The following COL24A1 variants were observed in gnomAD, a reference collection of about 807,000 sequenced individuals.
COL24A1 encodes collagen type XXIV alpha 1 chain, also known as collagen alpha-1(XXIV) chain.
In COL24A1, 224 loss-of-function variants were observed where a neutral mutation model predicts 253.9. The ratio of observed to expected loss-of-function variants is 0.88; its 90% CI spans 0.79 to 0.99. The LOEUF (loss-of-function observed/expected upper bound fraction) is 0.99, where lower values mean the gene tolerates loss of function less well. Ranked by LOEUF, COL24A1 falls within the 50% of genes least tolerant of loss-of-function variation. COL24A1 has a pLI of 0.00. For missense variants in COL24A1, 2,131 were observed against 2,068.5 expected (o/e 1.03, Z -0.59); for synonymous variants, 685 against 673.7 (o/e 1.02, Z -0.26).
rs922563874 is a variant in COL24A1 at position 85,964,929 on chromosome 1, T to C, written c.2517+80A>G. On this transcript the variant is annotated intron_variant, in intron 23 of 59. Transcript: ENST00000370571. ...GGTTCTTTTTAAGTTGATGTGTTCA[T>C]TTCACATTTGTATGAAAGTCATAAT... The C allele has an allele frequency of 3.1e-6, 4 of 1,283,418 alleles. No individual in the cohort carries two copies. In the African/African-American group the frequency reaches 4.5e-5, roughly 14 times the overall value. The allele number at this position is 1,283,418 out of a possible 1,614,324, so 79.5% of individuals were successfully genotyped here. A position where few individuals can be genotyped will look rare whatever the true frequency, so the allele number is the denominator to read the frequency against.
chr1:86,054,490 T>C (rs1472122466), intron 10 of COL24A1, among the ~76,000 whole-genome samples: 3 of 151,994 alleles, frequency 2.0e-5, no homozygotes, highest in Non-Finnish European at 4.4e-5. Context: ...ACAAAGGACA[T>C]GAATAGACAC....
intron 45 of COL24A1, among the ~76,000 whole-genome samples, chr1:85,818,765 G>A (rs1022531796): frequency 2.0e-5 from 3 of 152,122 alleles, no homozygotes; most frequent in Non-Finnish European, 4.4e-5. Context: ...AAGAAAATGT[G>A]GAAAAGGTGA....
At chr1:85,735,006 T>C (rs1557925606) in intron 58 of COL24A1, 42 bp from the exon 59 acceptor site, 1 of 1,584,472 alleles carries the variant, frequency 6.3e-7, no homozygotes. Context: ...ACATGGCAAT[T>C]GAGAAACTTA....
chr1:85,853,895 C>A (rs938702843), intron 37 of COL24A1, among the ~76,000 whole-genome samples: 1 of 152,034 alleles, frequency 6.6e-6, no homozygotes, highest in East Asian at 1.9e-4. Context: ...TTTGCAAAAA[C>A]TATCTCCTGT....
chr1:85,830,468 C>T (rs1466669903), intron 43 of COL24A1, among the ~76,000 whole-genome samples: 1 of 152,170 alleles, frequency 6.6e-6, no homozygotes, highest in Non-Finnish European at 1.5e-5. Context: ...AGCTTCCCGG[C>T]TGCTTTGTTT....
At chr1:85,950,571 T>G (rs965693834) in intron 24 of COL24A1, among the ~76,000 whole-genome samples, 1 of 152,128 alleles carries the variant, frequency 6.6e-6, no homozygotes, top group Admixed American at 6.5e-5. Flanking sequence ...AACAATGGCA[T>G]AAATAAGTTT....
rs1396345804 is a variant in COL24A1 at position 86,125,105 on chromosome 1, C to A, written c.1231G>T (p.Ala411Ser). 2.5e-6 allele frequency: 4 copies of A among 1,613,082 alleles called. No individual in the cohort carries two copies. In the South Asian group the frequency reaches 3.3e-5, roughly 13 times the overall value. The change falls in exon 3 of 60, where the codon GCT (alanine) becomes TCT (serine). Residue 411 changes from alanine (A) to serine (S), a missense_variant. Transcript: ENST00000370571. ...KQDTITNLKKAITANLHTNEL... is the reference protein window; with the variant it reads ...KQDTITNLKKSITANLHTNEL... ...TTAGTGTGTAGATTTGCTGTGATAG[C>A]CTTCTTGAGATTAGTAATTGTATCT...
chr1:85,866,260 G>C (rs1679786238), intron 37 of COL24A1, among the ~76,000 whole-genome samples: 1 of 152,008 alleles, frequency 6.6e-6, no homozygotes, highest in African/African-American at 2.4e-5. Flanking sequence ...CTGCCTAAAA[G>C]AAAAGATTCT....
At chr1:86,023,145 T>TA (rs1697714879) in intron 14 of COL24A1, 138 bp from the exon 15 acceptor site, 1 of 674,470 alleles carries the variant, frequency 1.5e-6, no homozygotes, top group African/African-American at 1.8e-5. Context: ...TTCAACAACT[T>TA]ATTTTTCTCT....
At chr1:86,039,550 T>C (rs180833100) in intron 12 of COL24A1, among the ~76,000 whole-genome samples, 1 of 152,302 alleles carries the variant, frequency 6.6e-6, no homozygotes, top group Non-Finnish European at 1.5e-5. Flanking sequence ...ACATATTTTG[T>C]TCTTTCTAGA....
intron 47 of COL24A1, among the ~76,000 whole-genome samples, chr1:85,791,331 T>C (rs1670251765): frequency 6.6e-6 from 1 of 152,072 alleles, no homozygotes. Context: ...CAAGTGAGAA[T>C]ATTTTCAAAG....
chr1:85,996,898 G>A (rs1374892748), intron 19 of COL24A1, among the ~76,000 whole-genome samples: 2 of 151,654 alleles, frequency 1.3e-5, no homozygotes, highest in African/African-American at 4.8e-5. Flanking sequence ...ATGAGGAACT[G>A]GCATGTCTCA....
At position 86,080,584 on chromosome 1, in the gene COL24A1, TAATA is replaced by T. The variant is rs367830274; in HGVS notation, c.1707+8586_1707+8589del. Reference sequence around the variant, plus strand: ...TTACTATGTACCTACAAAATTAAAATAATAAATAAATAAATTGCCTCAGCAAGAA... The same window carrying T: ...TTACTATGTACCTACAAAATTAAAATAATAAATAAATTGCCTCAGCAAGAA... On this transcript the variant is annotated intron_variant, in intron 7 of 59. Transcript: ENST00000370571. 3.5e-4 allele frequency among the ~76,000 whole-genome samples: 53 copies of T among 152,070 alleles called. No homozygotes were observed. The South Asian group carries it at 0.01, about 29-fold the overall frequency.
intron 11 of COL24A1, among the ~76,000 whole-genome samples, chr1:86,049,257 T>C (rs944088379): frequency 3.3e-5 from 5 of 152,234 alleles, no homozygotes; most frequent in Admixed American, 1.3e-4. Flanking sequence ...TTAAACTCTT[T>C]GATTATTTCT....
rs1416911806 is a variant in COL24A1 at position 86,005,136 on chromosome 1, G to A, written c.2310+12015C>T. Among the ~76,000 whole-genome samples, 4 of 152,256 alleles carry A rather than the reference G, an allele frequency of 2.6e-5. 1 individual carries two copies. The highest frequency in any genetic ancestry group is 6.5e-5 in the Admixed American group (1 of 15,294). On this transcript the variant is annotated intron_variant, in intron 19 of 59. Transcript: ENST00000370571. ...ACCAGTTGTGGCTCTGAGAACAACTGGATTGACAGAGGCCACAGTTCATCC... is the reference window on the plus strand; with the variant it reads ...ACCAGTTGTGGCTCTGAGAACAACTAGATTGACAGAGGCCACAGTTCATCC...
rs1691031631 is a variant in COL24A1, at chr1:85,961,268, A to ATATTTCCT, written c.2535_2542dup (p.Ile848LysfsTer21). 2.5e-6 allele frequency: 4 copies of ATATTTCCT among 1,605,614 alleles called. No homozygotes were observed. In the East Asian group the frequency reaches 9.0e-5, roughly 36 times the overall value. The stretch of plus-strand genomic sequence containing the variant: ...GCTTACTGTTTCACCAATTTTTCCA[A>ATATTTCCT]TATTTCCTTGATCTCCTACTTCTCC... On this transcript the variant is annotated frameshift_variant, in exon 24 of 60. Coordinates refer to ENST00000370571, the MANE Select transcript of COL24A1 (RefSeq NM_152890.7). LOFTEE classifies it high-confidence loss of function.
chr1:85,968,554 T>C (rs1175704882), intron 22 of COL24A1, among the ~76,000 whole-genome samples: 2 of 152,180 alleles, frequency 1.3e-5, no homozygotes, highest in Admixed American at 6.6e-5. Flanking sequence ...AACCATCCTA[T>C]TATTATTAAA....
intron 5 of COL24A1, among the ~76,000 whole-genome samples, chr1:86,094,887 A>G (rs1437176537): frequency 6.6e-6 from 1 of 152,080 alleles, no homozygotes; most frequent in Non-Finnish European, 1.5e-5. Flanking sequence ...AATAAAGCCC[A>G]GAAGAGTTAA....
chr1:86,105,393 G>A (rs1181030937), intron 5 of COL24A1, among the ~76,000 whole-genome samples: 2 of 152,164 alleles, frequency 1.3e-5, no homozygotes, highest in Non-Finnish European at 2.9e-5. Flanking sequence ...CGTGTCCAGA[G>A]GGCCGCTCTG....
Sources: allele counts gnomAD v4.1 joint callset (sites outside exome capture counted in the v4.1 genomes callset), GRCh38; gene constraint gnomAD v4.1.1; transcripts MANE v1.5; gene names NCBI Gene and HGNC (gene_info 2026-07-23, HGNC 2026-07-21).